CHN2: variants seen among roughly 807,000 people sequenced by gnomAD.
The protein encoded by CHN2 is chimerin 2.
In CHN2, 35 loss-of-function variants were observed where a neutral mutation model predicts 56.3. That is an observed-to-expected ratio of 0.62 (90% CI 0.47 to 0.82). CHN2 has a LOEUF of 0.82. Ranked by LOEUF, CHN2 falls within the 40% of genes least tolerant of loss-of-function variation. The pLI is 0.00. For missense variants in CHN2, 491 were observed against 580.5 expected (o/e 0.85, Z 1.58); for synonymous variants, 210 against 212.8 (o/e 0.99, Z 0.12).
At chr7:29,297,328 G>A (rs764990757) in intron 1 of CHN2, among the ~76,000 whole-genome samples, 20 of 152,226 alleles carry the variant, frequency 1.3e-4, no homozygotes, top group Non-Finnish European at 2.5e-4. Flanking sequence ...CTCATTCTCC[G>A]CTCTGAAGAA....
intron 2 of CHN2, among the ~76,000 whole-genome samples, chr7:29,177,262 G>C (rs1296529384): frequency 6.7e-6 from 1 of 149,936 alleles, no homozygotes; most frequent in Admixed American, 6.7e-5. Flanking sequence ...GTTTTGTTTT[G>C]TTTTGTTTTG....
At chr7:29,326,980 G>T (rs544213700) in intron 1 of CHN2, among the ~76,000 whole-genome samples, 1 of 152,276 alleles carries the variant, frequency 6.6e-6, no homozygotes, top group African/African-American at 2.4e-5. Flanking sequence ...AGCAATGGAA[G>T]TACTTAAACT....
intron 10 of CHN2, among the ~76,000 whole-genome samples, chr7:29,505,286 G>A (rs1304386217): frequency 6.6e-6 from 1 of 152,140 alleles, no homozygotes; most frequent in Non-Finnish European, 1.5e-5. Context: ...AAAAATATGG[G>A]TCACTGGGAC....
intron 7 of CHN2, among the ~76,000 whole-genome samples, chr7:29,482,669 T>C (rs2128546393): frequency 6.6e-6 from 1 of 152,094 alleles, no homozygotes; most frequent in Non-Finnish European, 1.5e-5. Context: ...TCTTGATTTG[T>C]AATTCGGGTT....
chr7:29,339,750 G>A (rs1379776091), intron 1 of CHN2, among the ~76,000 whole-genome samples: 1 of 152,076 alleles, frequency 6.6e-6, no homozygotes, highest in Admixed American at 6.5e-5. Flanking sequence ...CTACTTGGGA[G>A]GCTAAGGCAG....
At chr7:29,400,890 T>G in intron 6 of CHN2, 62 bp downstream of exon 6, 1 of 1,529,874 alleles carries the variant, frequency 6.5e-7, no homozygotes, top group South Asian at 1.2e-5. Context: ...ACAGGCGGGT[T>G]AACTATAGGT....
intron 1 of CHN2, among the ~76,000 whole-genome samples, chr7:29,346,578 C>T (rs1397518157): frequency 6.6e-6 from 1 of 152,188 alleles, no homozygotes. Context: ...CAGTCCTTCC[C>T]CTCTGTTTCT....
intron 1 of CHN2, among the ~76,000 whole-genome samples, chr7:29,343,341 G>A (rs78742521): frequency 0.028 from 4,311 of 152,272 alleles, 86 homozygotes; most frequent in Middle Eastern, 0.045. Context: ...TTTGGCAAAG[G>A]TAATGACGAT....
chr7:29,232,483 T>G (rs562381767), intron 1 of CHN2, among the ~76,000 whole-genome samples: 53 of 152,218 alleles, frequency 3.5e-4, no homozygotes, highest in Non-Finnish European at 6.8e-4. Context: ...ATTCTCTAGC[T>G]CTCCTTTTTC....
intron 6 of CHN2, among the ~76,000 whole-genome samples, chr7:29,458,682 G>A (rs924527199): frequency 6.6e-6 from 1 of 152,168 alleles, no homozygotes; most frequent in Non-Finnish European, 1.5e-5. Context: ...CAGCAGTCAA[G>A]ACACCAAGTG....
intron 6 of CHN2, among the ~76,000 whole-genome samples, chr7:29,404,311 A>G (rs1802460312): frequency 6.6e-6 from 1 of 152,226 alleles, no homozygotes. Context: ...TCCAATGCAT[A>G]TGACAACAGT....
At chr7:29,200,644 G>C (rs1784089827) in intron 1 of CHN2, 1 of 151,926 alleles carries the variant, frequency 6.6e-6, no homozygotes, top group East Asian at 1.9e-4. Context: ...AAGGAAGCTG[G>C]TATTCTGTCT....
At chr7:29,505,389 C>T (rs1261140546) in intron 10 of CHN2, among the ~76,000 whole-genome samples, 1 of 152,198 alleles carries the variant, frequency 6.6e-6, no homozygotes, top group Non-Finnish European at 1.5e-5. Flanking sequence ...CCAGTCAAGA[C>T]ATGGAAGCCC....
chr7:29,253,748 T>C (rs891072458), intron 1 of CHN2, among the ~76,000 whole-genome samples: 1 of 152,222 alleles, frequency 6.6e-6, no homozygotes, highest in Non-Finnish European at 1.5e-5. Flanking sequence ...AGGTATAAAA[T>C]TCTGGTCATG....
intron 1 of CHN2, among the ~76,000 whole-genome samples, chr7:29,196,515 G>T (rs1783731925): frequency 6.6e-6 from 1 of 152,152 alleles, no homozygotes; most frequent in Admixed American, 6.5e-5. Context: ...ATTCATTTTG[G>T]TTGACTAACA....
chr7:29,157,165 A>C (rs1480391407), intron 2 of CHN2, among the ~76,000 whole-genome samples: 2 of 152,084 alleles, frequency 1.3e-5, no homozygotes, highest in Non-Finnish European at 2.9e-5. Context: ...CTTTTCTCCC[A>C]CTTAACATCC....
At chr7:29,454,978 A>G (rs1784648057) in intron 6 of CHN2, among the ~76,000 whole-genome samples, 1 of 152,168 alleles carries the variant, frequency 6.6e-6, no homozygotes, top group Non-Finnish European at 1.5e-5. Flanking sequence ...CTAAAAATCA[A>G]TTTTATGGAT....
At chr7:29,167,327 G>T (rs1348670270) in intron 2 of CHN2, among the ~76,000 whole-genome samples, 1 of 152,044 alleles carries the variant, frequency 6.6e-6, no homozygotes, top group Non-Finnish European at 1.5e-5. Flanking sequence ...AGATGAACAT[G>T]TATCTGTTCA....
At chr7:29,210,895 A>G (rs1160932135) in intron 1 of CHN2, among the ~76,000 whole-genome samples, 1 of 152,150 alleles carries the variant, frequency 6.6e-6, no homozygotes, top group African/African-American at 2.4e-5. Flanking sequence ...AGGAACAGAA[A>G]CAAGGCCAGT....
Sources: gnomAD v4.1 joint callset for allele counts (sites outside exome capture counted in the v4.1 genomes callset) on GRCh38, gnomAD v4.1.1 for gene constraint, MANE v1.5 for transcripts, NCBI Gene and HGNC (gene_info 2026-07-23, HGNC 2026-07-21) for gene names.